ARNT2: variants seen among roughly 807,000 people sequenced by gnomAD.
ARNT2 encodes the protein aryl hydrocarbon receptor nuclear translocator 2.
A neutral mutation model predicts 91.7 loss-of-function variants in ARNT2; 36 were observed. That is an observed-to-expected ratio of 0.39 (90% CI 0.30 to 0.52). ARNT2 has a LOEUF of 0.52. Among genes scored for constraint, ARNT2 ranks in the 20% least tolerant of loss-of-function variants. The pLI is 0.72. For synonymous variants in ARNT2, 365 were observed against 347.1 expected, an observed-to-expected ratio of 1.05 and a Z score of -0.57; for missense variants, 775 against 939.3, an observed-to-expected ratio of 0.83 and a Z score of 2.29.
intron 12 of ARNT2, 115 bp from the exon 13 acceptor site, chr15:80,574,033 A>C: frequency 2.6e-6 from 2 of 779,810 alleles, no homozygotes; most frequent in Non-Finnish European, 4.5e-6. Context: ...AAAACAATGT[A>C]GAGATCCATC....
chr15:80,575,154 C>T lies in ARNT2; in HGVS notation c.1513+44C>T, dbSNP rs759755045. 2.5e-6 allele frequency: 4 copies of T among 1,602,662 alleles called. No homozygotes were observed. The Admixed American group carries it at 5.0e-5, about 20-fold the overall frequency. On this transcript the variant is annotated intron_variant, in intron 14 of 18. Coordinates refer to ENST00000303329, the MANE Select transcript of ARNT2 (RefSeq NM_014862.4). ...CTGAGGTTTTGAGAGTGTGGGTTTA[C>T]AGTTGCTTTCAGGCCATCTACAGAC...
In ARNT2 at chr15:80,407,711, G is replaced by C. The variant is rs1022412455; in HGVS notation, c.31+3165G>C. Among the ~76,000 whole-genome samples, 6 of 149,540 alleles carry C rather than the reference G, an allele frequency of 4.0e-5. No homozygotes were observed. In the South Asian group the frequency reaches 8.4e-4, roughly 21 times the overall value. ...ATAGAATCTTCCGTTTTGTGTGTCTGTGTGTGTGTGTGTGTGTGTTGTTTT... is the reference window on the plus strand; with the variant it reads ...ATAGAATCTTCCGTTTTGTGTGTCTCTGTGTGTGTGTGTGTGTGTTGTTTT... On this transcript the variant is annotated intron_variant, in intron 1 of 18. Transcript: ENST00000303329.
In ARNT2 at chr15:80,432,868, A is replaced by G. The variant is rs535154975; in HGVS notation, c.32-18012A>G. On this transcript the variant is annotated intron_variant, in intron 1 of 18. Transcript: ENST00000303329. ...AGTATTGGAGTCCCAAGCATAAATT[A>G]AGACATCGAGGAGCATCCCATTTGG... Among the ~76,000 whole-genome samples, 7 of 152,326 alleles carry G rather than the reference A, an allele frequency of 4.6e-5. No individual in the cohort carries two copies. The East Asian group carries it at 9.6e-4, about 21-fold the overall frequency.
chr15:80,485,608 C>T (rs1896959692), intron 5 of ARNT2, among the ~76,000 whole-genome samples: 1 of 152,134 alleles, frequency 6.6e-6, no homozygotes, highest in Admixed American at 6.5e-5. Flanking sequence ...TTGGAGAATG[C>T]CCCTGTGAGT....
Position 80,581,369 on chromosome 15 carries a change from C to A in ARNT2, c.1883C>A (p.Ala628Asp), listed in dbSNP as rs1441037778. The A allele has an allele frequency of 2.5e-6, 4 of 1,614,046 alleles. No homozygotes were observed. Among genetic ancestry groups the A allele is most frequent in the Non-Finnish European group, 3.4e-6 (4 of 1,180,030 alleles). ...SPATSSPSGN[A>D]YSSLANRTPG... ...GCTACCTCCTCGCCAAGTGGGAATG[C>A]CTACTCCAGTCTTGCCAACAGGACT... is the stretch of plus-strand genomic sequence containing the variant. Residue 628 changes from alanine to aspartate, a missense_variant, in exon 17 of 19, where the codon GCC becomes GAC. Coordinates refer to ENST00000303329, the MANE Select transcript of ARNT2 (RefSeq NM_014862.4).
intron 1 of ARNT2, among the ~76,000 whole-genome samples, chr15:80,408,244 G>A (rs1407102869): frequency 6.6e-6 from 1 of 152,202 alleles, no homozygotes; most frequent in Non-Finnish European, 1.5e-5. Flanking sequence ...GCAGGGAATA[G>A]AGCAATGTGG....
intron 8 of ARNT2, among the ~76,000 whole-genome samples, chr15:80,550,552 C>G (rs1200467991): frequency 6.6e-6 from 1 of 152,176 alleles, no homozygotes; most frequent in Non-Finnish European, 1.5e-5. Flanking sequence ...TGTGAAGGAC[C>G]CCAGATACCA....
intron 3 of ARNT2, among the ~76,000 whole-genome samples, chr15:80,465,419 G>T (rs1421548298): frequency 1.3e-5 from 2 of 152,176 alleles, no homozygotes; most frequent in African/African-American, 4.8e-5. Flanking sequence ...CTGGAGAGGG[G>T]TGTGGACCTC....
At chr15:80,454,852 G>A (rs1359517085) in intron 2 of ARNT2, among the ~76,000 whole-genome samples, 1 of 152,172 alleles carries the variant, frequency 6.6e-6, no homozygotes, top group Non-Finnish European at 1.5e-5. Context: ...TGCTTATCAT[G>A]GCTTTCTGTC....
At chr15:80,525,698 T>G (rs1438672599) in intron 8 of ARNT2, among the ~76,000 whole-genome samples, 1 of 152,200 alleles carries the variant, frequency 6.6e-6, no homozygotes, top group African/African-American at 2.4e-5. Context: ...TTTAAGATGG[T>G]AGAGGCAATC....
chr15:80,467,473 C>T (rs1896672291), intron 3 of ARNT2, among the ~76,000 whole-genome samples: 1 of 152,080 alleles, frequency 6.6e-6, no homozygotes, highest in Non-Finnish European at 1.5e-5. Flanking sequence ...TGAGCGAGAT[C>T]CCAGAAGTCA....
chr15:80,489,095 A>G (rs1194878023), intron 5 of ARNT2, among the ~76,000 whole-genome samples: 2 of 152,254 alleles, frequency 1.3e-5, no homozygotes, highest in Admixed American at 6.5e-5. Flanking sequence ...TTTAGATTTC[A>G]GTAATCATCT....
rs1309119140 is a variant in ARNT2, at chr15:80,597,392, C to T, written c.*3694C>T. On this transcript the variant is annotated 3_prime_UTR_variant, in exon 19 of 19. Coordinates refer to ENST00000303329, the MANE Select transcript of ARNT2 (RefSeq NM_014862.4). ...ATATTACCAGAAAATATGGGCTTGG[C>T]CTAAGTCGCTGTCTCCTAACCTGCC... 3 of 461,116 alleles carry T rather than the reference C, an allele frequency of 6.5e-6. No homozygotes were observed. The highest frequency in any genetic ancestry group is 1.2e-4 in the East Asian group (2 of 16,616). 28.6% of individuals were successfully genotyped at this position (461,116 alleles called of 1,614,324 possible). A position where few individuals can be genotyped will look rare whatever the true frequency, so the allele number is the denominator to read the frequency against.
Position 80,453,716 on chromosome 15 carries a change from T to C in ARNT2, c.146+2722T>C, listed in dbSNP as rs567400762. ...CATTTCCCACTGCCCTCCCTACTGA[T>C]GGCATGGTGTTCTTCCACCTCCCTT... On this transcript the variant is annotated intron_variant, in intron 2 of 18. Coordinates refer to ENST00000303329, the MANE Select transcript of ARNT2 (RefSeq NM_014862.4). 2.6e-5 allele frequency among the ~76,000 whole-genome samples: 4 copies of C among 152,262 alleles called. No homozygotes were observed. The East Asian group carries it at 7.7e-4, about 29-fold the overall frequency.
At chr15:80,423,127 A>G (rs1294428321) in intron 1 of ARNT2, among the ~76,000 whole-genome samples, 1 of 152,216 alleles carries the variant, frequency 6.6e-6, no homozygotes, top group Non-Finnish European at 1.5e-5. Flanking sequence ...ATGTCTTGTA[A>G]AATGAGAATA....
chr15:80,580,656 G>A (rs1898778328), intron 16 of ARNT2, 107 bp downstream of exon 16: 5 of 1,437,562 alleles, frequency 3.5e-6, no homozygotes, highest in Middle Eastern at 2.5e-4. Flanking sequence ...GCTCCTAGCT[G>A]GAACCAACCA....
In ARNT2 at chr15:80,551,187, T is replaced by C. The variant is rs1372252343; in HGVS notation, c.878-12T>C. 1 of 1,612,278 alleles carries C rather than the reference T, an allele frequency of 6.2e-7. No individual in the cohort carries two copies. Among genetic ancestry groups the C allele is most frequent in the Admixed American group, 1.7e-5 (1 of 60,018 alleles). ...GGCATATTGTTGATGACACAGGTAT[T>C]TCCCATTTCAGGAATGACCATACCT... On this transcript the variant is annotated splice_polypyrimidine_tract_variant and intron_variant, in intron 8 of 18. Transcript: ENST00000303329.
rs972874461 is a variant in ARNT2 at position 80,404,910 on chromosome 15, C to G, written c.31+364C>G. ...TCCGGTCCCGGCTTTTGTGGCATCA[C>G]GGCGTCAGCCAGTCCTGGCTGGTGG... On this transcript the variant is annotated intron_variant, in intron 1 of 18. Coordinates refer to ENST00000303329, the MANE Select transcript of ARNT2 (RefSeq NM_014862.4). The surrounding 1 kb of genome is among the most constrained non-coding windows in gnomAD (Gnocchi z 5.5). Among the ~76,000 whole-genome samples, 1 of 152,226 alleles carries G rather than the reference C, an allele frequency of 6.6e-6. No homozygotes were observed. The highest frequency in any genetic ancestry group is 2.4e-5 in the African/African-American group (1 of 41,470).
intron 8 of ARNT2, among the ~76,000 whole-genome samples, chr15:80,526,720 G>A (rs375457784): frequency 6.6e-6 from 1 of 152,208 alleles, no homozygotes; most frequent in Admixed American, 6.5e-5. Context: ...GTAAGCCTTG[G>A]CCACAGCATG....
Sources: allele counts gnomAD v4.1 joint callset (sites outside exome capture counted in the v4.1 genomes callset), GRCh38; gene constraint gnomAD v4.1.1; non-coding constraint Gnocchi (gnomAD v3.1); transcripts MANE v1.5; gene names NCBI Gene and HGNC (gene_info 2026-07-23, HGNC 2026-07-21).